The following MTOR variants were observed in gnomAD, a reference collection of about 807,000 sequenced individuals.
MTOR encodes the protein mechanistic target of rapamycin kinase.
In MTOR, 70 loss-of-function variants were observed where a neutral mutation model predicts 319.8. The ratio of observed to expected loss-of-function variants is 0.22; its 90% CI spans 0.18 to 0.27. MTOR has a LOEUF of 0.27. MTOR is among the 10% of genes least tolerant of loss of function. The pLI is 1.00. For missense variants in MTOR, 1,890 were observed against 3,274.4 expected, an observed-to-expected ratio of 0.58 and a Z score of 10.32; for synonymous variants, 1,183 against 1,211.4, an observed-to-expected ratio of 0.98 and a Z score of 0.49.
intron 19 of MTOR, 39 bp downstream of exon 19, chr1:11,228,629 C>T (rs762586943): frequency 6.2e-7 from 1 of 1,602,470 alleles, no homozygotes. Flanking sequence ...ATGTGTGGTG[C>T]AGAGGAGAAA....
chr1:11,113,613 AT>A (rs1473908019), intron 53 of MTOR, among the ~76,000 whole-genome samples: 1 of 151,804 alleles, frequency 6.6e-6, no homozygotes, highest in East Asian at 1.9e-4. Flanking sequence ...TAAATTTTTT[AT>A]TTTTTTATTT....
At chr1:11,254,173 T>G (rs914862379) in intron 5 of MTOR, among the ~76,000 whole-genome samples, 200 bp from the exon 6 acceptor site, 33 of 152,040 alleles carry the variant, frequency 2.2e-4, no homozygotes, top group African/African-American at 7.7e-4. Flanking sequence ...GGAGTCTTGC[T>G]CTATTGCCCA....
At position 11,129,014 on chromosome 1, in the gene MTOR, C is replaced by T. The variant is rs926361062; in HGVS notation, c.5715-63G>A. The stretch of plus-strand genomic sequence containing the variant: ...TCCCAGTTTTTGCCTGCCTGTTTTT[C>T]ATCTCTAAGGCTCCTGAGAAGAGAG... On this transcript the variant is annotated intron_variant, in intron 40 of 57. Coordinates refer to ENST00000361445, the MANE Select transcript of MTOR (RefSeq NM_004958.4). This position sits in a 1 kb window ranked among gnomAD's most constrained non-coding sequence, Gnocchi z 4.7. 7 of 1,365,284 alleles carry T rather than the reference C, an allele frequency of 5.1e-6. No individual in the cohort carries two copies. In the East Asian group the frequency reaches 1.2e-4, roughly 23 times the overall value. 84.6% of individuals were successfully genotyped at this position (1,365,284 alleles called of 1,614,324 possible). A position where few individuals can be genotyped will look rare whatever the true frequency, so the allele number is the denominator to read the frequency against.
intron 8 of MTOR, among the ~76,000 whole-genome samples, chr1:11,243,730 C>T (rs919366470): frequency 1.3e-5 from 2 of 150,036 alleles, no homozygotes; most frequent in African/African-American, 4.9e-5. Context: ...GTTGCCAAAA[C>T]AATATCACAG....
Position 11,235,749 on chromosome 1 carries a change from C to T in MTOR, c.2209-1484G>A, listed in dbSNP as rs769601995. 2.6e-4 allele frequency among the ~76,000 whole-genome samples: 40 copies of T among 152,058 alleles called. 1 individual carries two copies. The highest frequency in any genetic ancestry group is 2.3e-3 in the Admixed American group (35 of 15,254). The stretch of plus-strand genomic sequence containing the variant: ...CTGTAATCCCAGCACTTTGGGAGGC[C>T]GAAGCGGGCAGACCATGAGGTCAAG... On this transcript the variant is annotated intron_variant, in intron 13 of 57. Transcript: ENST00000361445.
chr1:11,122,484 G>A (rs1485679315), intron 47 of MTOR, among the ~76,000 whole-genome samples: 1 of 140,758 alleles, frequency 7.1e-6, no homozygotes, highest in Non-Finnish European at 1.5e-5. Flanking sequence ...GCAGGCCTAA[G>A]CCACTGCACC....
At chr1:11,120,906 A>AAAACC (rs1342202002) in intron 49 of MTOR, among the ~76,000 whole-genome samples, 1 of 152,198 alleles carries the variant, frequency 6.6e-6, no homozygotes, top group African/African-American at 2.4e-5. Flanking sequence ...CTGTGTATCA[A>AAAACC]AAACCAAACC....
chr1:11,233,624 C>T, intron 14 of MTOR, 137 bp from the exon 15 acceptor site: 3 of 666,732 alleles, frequency 4.5e-6, no homozygotes, highest in Non-Finnish European at 7.6e-6. Context: ...TCCAAGATTT[C>T]TCTGGAATGT....
intron 29 of MTOR, among the ~76,000 whole-genome samples, chr1:11,159,404 G>A (rs2100576645): frequency 6.6e-6 from 1 of 152,284 alleles, no homozygotes; most frequent in South Asian, 2.1e-4. Context: ...CACTTTGGGA[G>A]GCCGAGGTGG....
intron 12 of MTOR, 77 bp from the exon 13 acceptor site, chr1:11,238,125 G>A: frequency 1.5e-6 from 2 of 1,367,986 alleles, no homozygotes; most frequent in South Asian, 2.4e-5. Context: ...TACCTCCACT[G>A]CCATCAGCGT....
In MTOR at chr1:11,107,372, T is replaced by A; in HGVS notation, c.*113A>T. 1 of 1,555,630 alleles carries A rather than the reference T, an allele frequency of 6.4e-7. No homozygotes were observed. The highest frequency in any genetic ancestry group is 8.6e-7 in the Non-Finnish European group (1 of 1,158,380). On this transcript the variant is annotated 3_prime_UTR_variant, in exon 58 of 58. Coordinates refer to ENST00000361445, the MANE Select transcript of MTOR (RefSeq NM_004958.4). ...ATACAGTAGTTCTTTTCATTTACAT[T>A]TCAAAATATTTAACAAAGTCAAACT...
intron 28 of MTOR, among the ~76,000 whole-genome samples, chr1:11,168,925 G>A (rs898126505): frequency 6.6e-6 from 1 of 152,168 alleles, no homozygotes; most frequent in African/African-American, 2.4e-5. Context: ...AAATCCACAA[G>A]ACCACAATGA....
At chr1:11,229,022 A>T in intron 18 of MTOR, 104 bp from the exon 19 acceptor site, 1 of 1,392,346 alleles carries the variant, frequency 7.2e-7, no homozygotes, top group Non-Finnish European at 1.0e-6. Context: ...ATTAGCATTC[A>T]TATCTTTCTT....
At chr1:11,238,362 C>T (rs752158478) in intron 12 of MTOR, 40 bp downstream of exon 12, 21 of 1,603,482 alleles carry the variant, frequency 1.3e-5, no homozygotes, top group Non-Finnish European at 1.7e-5. Context: ...GTCCTAAGCT[C>T]CTTAACTCCC....
chr1:11,129,732 T>C lies in MTOR; in HGVS notation c.5714+6A>G, dbSNP rs941577732. ...ACCAGAGTTGCATCCTTCCCTTCTC[T>C]GATACCTGAGTGTATCCTGGAGGTT... is the stretch of plus-strand genomic sequence containing the variant. On this transcript the variant is annotated splice_donor_region_variant and intron_variant, in intron 40 of 57. Coordinates refer to ENST00000361445, the MANE Select transcript of MTOR (RefSeq NM_004958.4). The surrounding 1 kb of genome is among the most constrained non-coding windows in gnomAD (Gnocchi z 4.7). The C allele has an allele frequency of 3.1e-6, 5 of 1,612,702 alleles. No homozygotes were observed. The African/African-American group carries it at 5.3e-5, about 17-fold the overall frequency.
At chr1:11,229,688 G>T (rs1372660854) in intron 18 of MTOR, among the ~76,000 whole-genome samples, 1 of 152,194 alleles carries the variant, frequency 6.6e-6, no homozygotes, top group African/African-American at 2.4e-5. Context: ...ATAGTTGGGA[G>T]AATCAATGTT....
chr1:11,139,804 G>T, intron 34 of MTOR, 146 bp from the exon 35 acceptor site: 2 of 984,488 alleles, frequency 2.0e-6, no homozygotes, highest in Admixed American at 2.5e-5. Flanking sequence ...CAATTCTCCT[G>T]CCTCAGCCTC....
intron 47 of MTOR, among the ~76,000 whole-genome samples, chr1:11,123,600 C>T (rs1642658433): frequency 6.6e-6 from 1 of 152,028 alleles, no homozygotes; most frequent in Non-Finnish European, 1.5e-5. Context: ...TCCCAAGGAG[C>T]TGGGACAACA....
intron 8 of MTOR, among the ~76,000 whole-genome samples, chr1:11,245,325 T>C (rs943350130): frequency 9.2e-5 from 14 of 152,232 alleles, no homozygotes; most frequent in African/African-American, 2.9e-4. Flanking sequence ...ACACATAAAA[T>C]AGGAGAGAAG....
Sources: gnomAD v4.1 joint callset for allele counts (sites outside exome capture counted in the v4.1 genomes callset) on GRCh38, gnomAD v4.1.1 for gene constraint, Gnocchi (gnomAD v3.1) non-coding constraint, MANE v1.5 for transcripts, NCBI Gene and HGNC (gene_info 2026-07-23, HGNC 2026-07-21) for gene names.